LRRTM4: variants seen among roughly 807,000 people sequenced by gnomAD.
The protein encoded by LRRTM4 is leucine rich repeat transmembrane neuronal 4.
Under a neutral mutation model 47.6 loss-of-function variants are expected in LRRTM4, and 25 were observed. That is an observed-to-expected ratio of 0.53 (90% CI 0.38 to 0.73). The LOEUF is 0.73. Ranked by LOEUF, LRRTM4 falls within the 30% of genes least tolerant of loss-of-function variation. The pLI is 0.00. For missense variants in LRRTM4, 638 were observed against 713.4 expected (o/e 0.89, Z 1.20); for synonymous variants, 311 against 269.5 (o/e 1.15, Z -1.51).
chr2:76,850,512 T>C (rs1671961552), intron 3 of LRRTM4, among the ~76,000 whole-genome samples: 1 of 152,192 alleles, frequency 6.6e-6, no homozygotes, highest in Non-Finnish European at 1.5e-5. Context: ...AAATAACTAG[T>C]ACATTATCCC....
chr2:77,237,000 T>C (rs999070419), intron 3 of LRRTM4, among the ~76,000 whole-genome samples: 1 of 152,062 alleles, frequency 6.6e-6, no homozygotes, highest in Non-Finnish European at 1.5e-5. Context: ...TTGTTGTATC[T>C]TTGACAACTT....
At chr2:77,318,532 G>A (rs1407190979) in intron 3 of LRRTM4, among the ~76,000 whole-genome samples, 1 of 152,004 alleles carries the variant, frequency 6.6e-6, no homozygotes, top group Non-Finnish European at 1.5e-5. Flanking sequence ...ATGACACCTG[G>A]AAAATATAAC....
chr2:77,180,269 C>T (rs1319761019), intron 3 of LRRTM4, among the ~76,000 whole-genome samples: 1 of 152,132 alleles, frequency 6.6e-6, no homozygotes, highest in Non-Finnish European at 1.5e-5. Context: ...TCTTGTAAGA[C>T]AGCCTATCTT....
chr2:76,812,776 C>CCCTCCCCCTCTCCCTCCCCCCTT (rs1670780214), intron 3 of LRRTM4, among the ~76,000 whole-genome samples: 5 of 85,678 alleles, frequency 5.8e-5, no homozygotes, highest in African/African-American at 1.1e-4. Context: ...CTCTCCCTCC[C>CCCTCCCCCTCTCCCTCCCCCCTT]CCTCCTCCTC....
chr2:77,238,824 A>T (rs1157209172), intron 3 of LRRTM4, among the ~76,000 whole-genome samples: 1 of 152,012 alleles, frequency 6.6e-6, no homozygotes, highest in Non-Finnish European at 1.5e-5. Flanking sequence ...AAAGAAACCA[A>T]AATGTCAAAC....
chr2:77,426,992 TTTTTTCTGACGGAGTCTTGCTC>T (rs1675144833), intron 3 of LRRTM4, among the ~76,000 whole-genome samples: 1 of 151,702 alleles, frequency 6.6e-6, no homozygotes, highest in South Asian at 2.1e-4. Context: ...TTTTTTTTTT[TTTTTTCTGACGGAGTCTTGCTC>T]TTTTGCCAGA....
intron 3 of LRRTM4, among the ~76,000 whole-genome samples, chr2:77,158,263 T>C (rs1672615377): frequency 6.6e-6 from 1 of 152,172 alleles, no homozygotes; most frequent in Non-Finnish European, 1.5e-5. Flanking sequence ...ACAATAAAAA[T>C]GTCAAAAAAT....
rs1679336294 is a variant in LRRTM4, at chr2:77,518,671, C to T, written c.1198G>A (p.Glu400Lys). The stretch of plus-strand genomic sequence containing the variant: ...AACCCTGGGGAAGGGCTTGGTGTTT[C>T]AAAGGTGGATTGGGTGACGTCAGGT... Reference protein sequence around the residue: ...FKPDVTQSTFETPSPSPGFQI... With the variant: ...FKPDVTQSTFKTPSPSPGFQI... The change falls in exon 3 of 4, where the codon GAA (glutamate) becomes AAA (lysine). Residue 400 changes from glutamate (E) to lysine (K), a missense_variant. By Grantham distance (56) the Glu-to-Lys change is moderately conservative (BLOSUM62 1). Coordinates refer to ENST00000409884, the MANE Select transcript of LRRTM4 (RefSeq NM_001134745.3). The T allele has an allele frequency of 6.2e-7, 1 of 1,613,280 alleles. No individual in the cohort carries two copies. The highest frequency in any genetic ancestry group is 1.1e-5 in the South Asian group (1 of 91,068).
intron 3 of LRRTM4, among the ~76,000 whole-genome samples, chr2:77,290,012 C>T (rs1418043217): frequency 1.3e-5 from 2 of 151,360 alleles, no homozygotes; most frequent in African/African-American, 2.4e-5. Flanking sequence ...AGTTTGTTTG[C>T]TTTTTTTTAG....
chr2:77,275,350 AC>A (rs1676315504), intron 3 of LRRTM4, among the ~76,000 whole-genome samples: 1 of 151,240 alleles, frequency 6.6e-6, no homozygotes, highest in African/African-American at 2.4e-5. Context: ...GTATTTATTA[AC>A]GTCTTGCATA....
At chr2:77,389,648 T>C (rs916396894) in intron 3 of LRRTM4, among the ~76,000 whole-genome samples, 23 of 152,120 alleles carry the variant, frequency 1.5e-4, no homozygotes, top group Admixed American at 9.8e-4. Context: ...TAGTTCCCTA[T>C]ATTAAAAATT....
chr2:77,470,664 C>T (rs1016642980), intron 3 of LRRTM4, among the ~76,000 whole-genome samples: 1 of 152,054 alleles, frequency 6.6e-6, no homozygotes, highest in African/African-American at 2.4e-5. Context: ...AGAATTAATG[C>T]TTCATCTGAG....
At chr2:77,356,539 T>C (rs1189741554) in intron 3 of LRRTM4, among the ~76,000 whole-genome samples, 2 of 152,180 alleles carry the variant, frequency 1.3e-5, no homozygotes, top group Non-Finnish European at 2.9e-5. Flanking sequence ...ATCTTCAATT[T>C]TGGTGGTTAA....
At chr2:76,954,058 GTC>G (rs1359089299) in intron 3 of LRRTM4, among the ~76,000 whole-genome samples, 2 of 151,870 alleles carry the variant, frequency 1.3e-5, no homozygotes, top group Admixed American at 1.3e-4. Context: ...AGCCCTCAGA[GTC>G]TCTAGCCAGG....
chr2:77,373,470 T>C (rs1672724319), intron 3 of LRRTM4, among the ~76,000 whole-genome samples: 1 of 151,754 alleles, frequency 6.6e-6, no homozygotes, highest in African/African-American at 2.4e-5. Flanking sequence ...AAACTGGTGC[T>C]ACATTTTAAG....
At chr2:76,935,211 AGGC>A (rs1674902571) in intron 3 of LRRTM4, among the ~76,000 whole-genome samples, 1 of 152,168 alleles carries the variant, frequency 6.6e-6, no homozygotes, top group African/African-American at 2.4e-5. Flanking sequence ...ATATTCTTTC[AGGC>A]CAAATTGTAT....
intron 3 of LRRTM4, among the ~76,000 whole-genome samples, chr2:77,075,746 T>A (rs1184668504): frequency 1.3e-5 from 2 of 149,856 alleles, no homozygotes; most frequent in African/African-American, 2.5e-5. Flanking sequence ...AAACCCCGTC[T>A]CTACTAAAAA....
At chr2:77,037,501 A>T (rs1439559562) in intron 3 of LRRTM4, among the ~76,000 whole-genome samples, 1 of 151,670 alleles carries the variant, frequency 6.6e-6, no homozygotes, top group Non-Finnish European at 1.5e-5. Context: ...TTGAAATATT[A>T]CTTGCAAACA....
intron 3 of LRRTM4, among the ~76,000 whole-genome samples, chr2:76,945,918 C>T (rs1203966192): frequency 2.0e-5 from 3 of 151,814 alleles, no homozygotes; most frequent in African/African-American, 7.3e-5. Context: ...TCTGTATATC[C>T]CTTCTCATTC....
Sources: gnomAD v4.1 joint callset for allele counts (sites outside exome capture counted in the v4.1 genomes callset) on GRCh38, gnomAD v4.1.1 for gene constraint, MANE v1.5 for transcripts, NCBI Gene and HGNC (gene_info 2026-07-23, HGNC 2026-07-21) for gene names.